MCUR1: variants seen among roughly 807,000 people sequenced by gnomAD.
The protein encoded by MCUR1 is MCU regulator 1.
MCUR1 carries 37 observed loss-of-function variants against 42.0 expected under a neutral mutation model. The observed-to-expected ratio is 0.88, with a 90% CI of 0.68 to 1.16. The LOEUF (loss-of-function observed/expected upper bound fraction) is 1.16, where lower values mean the gene tolerates loss of function less well. MCUR1 is among the 50% of genes most tolerant of loss of function. The pLI is 0.00. For synonymous variants in MCUR1, 229 were observed against 196.2 expected (o/e 1.17, Z -1.40); for missense variants, 469 against 468.4 (o/e 1.00, Z -0.01).
At position 13,801,398 on chromosome 6, in the gene MCUR1, A is replaced by G; in HGVS notation, c.640-9T>C. ...TGCTGAAAAGTGATTTCCTAGGAAA[A>G]GAAAAACAAAACACATAATCTAGTC... On this transcript the variant is annotated splice_polypyrimidine_tract_variant and intron_variant, in intron 3 of 8. Coordinates refer to ENST00000379170, the MANE Select transcript of MCUR1 (RefSeq NM_001031713.4). 1 of 1,588,294 alleles carries G rather than the reference A, an allele frequency of 6.3e-7. No homozygotes were observed. Among genetic ancestry groups the G allele is most frequent in the Non-Finnish European group, 8.6e-7 (1 of 1,161,142 alleles).
intron 2 of MCUR1, chr6:13,804,347 A>AG (rs1445278237): frequency 6.3e-5 from 10 of 158,778 alleles, no homozygotes; most frequent in Non-Finnish European, 1.1e-4. Flanking sequence ...AAAAAAAAAA[A>AG]AGAAAAAAAT....
chr6:13,794,446 C>T (rs1442682036), intron 6 of MCUR1, among the ~76,000 whole-genome samples: 1 of 152,136 alleles, frequency 6.6e-6, no homozygotes, highest in East Asian at 1.9e-4. Context: ...GGAGACTCAA[C>T]TCAATTTAGG....
Position 13,811,675 on chromosome 6 carries a change from G to A in MCUR1, c.415+2340C>T, listed in dbSNP as rs76720509. Among the ~76,000 whole-genome samples the A allele has an allele frequency of 6.6e-3, 1,010 of 152,200 alleles. 8 individuals carry two copies. Among genetic ancestry groups the A allele is most frequent in the African/African-American group, 0.022 (928 of 41,510 alleles). The stretch of plus-strand genomic sequence containing the variant: ...CTACTGGACTGCCCCATGTGTCAGG[G>A]AGCTCGAAAACACCTGAGTCTGGAA... On this transcript the variant is annotated intron_variant, in intron 1 of 8. Transcript: ENST00000379170.
intron 6 of MCUR1, among the ~76,000 whole-genome samples, chr6:13,794,878 T>C (rs1264104002): frequency 2.6e-5 from 4 of 152,068 alleles, no homozygotes; most frequent in African/African-American, 9.7e-5. Flanking sequence ...GTATCTCGCC[T>C]TTTGGCTATT....
intron 2 of MCUR1, among the ~76,000 whole-genome samples, chr6:13,803,024 G>C (rs1440558558): frequency 1.3e-5 from 2 of 151,870 alleles, no homozygotes; most frequent in African/African-American, 4.8e-5. Context: ...GTCAATAAAT[G>C]ATACTGAATT....
At position 13,790,609 on chromosome 6, in the gene MCUR1, G is replaced by A. The variant is rs1402000597; in HGVS notation, c.*200C>T. 2.9e-5 allele frequency: 10 copies of A among 342,206 alleles called. No individual in the cohort carries two copies. The East Asian group carries it at 3.8e-4, about 13-fold the overall frequency. 21.2% of individuals were successfully genotyped at this position (342,206 alleles called of 1,614,324 possible). On this transcript the variant is annotated 3_prime_UTR_variant, in exon 9 of 9. Transcript: ENST00000379170. ...TGGGACTACAGGCGCCCGCCACCAC[G>A]CCCGCCTAATGTTTTAATTTTTTAG...
rs776249405 is a variant in MCUR1, at chr6:13,786,683, C to G, written c.*4126G>C. 3.9e-5 allele frequency: 6 copies of G among 152,150 alleles called. No homozygotes were observed. The highest frequency in any genetic ancestry group is 2.1e-4 in the South Asian group (1 of 4,824). 9.4% of individuals were successfully genotyped at this position (152,150 alleles called of 1,614,324 possible). A position where few individuals can be genotyped will look rare whatever the true frequency, so the allele number is the denominator to read the frequency against. On this transcript the variant is annotated 3_prime_UTR_variant, in exon 9 of 9. Coordinates refer to ENST00000379170, the MANE Select transcript of MCUR1 (RefSeq NM_001031713.4). The stretch of plus-strand genomic sequence containing the variant: ...AACAGTTGCAATACAGTTATTCTAG[C>G]TTTTCATATTCAATTTGAATGATCA...
chr6:13,810,491 A>G (rs1760209837), intron 1 of MCUR1, among the ~76,000 whole-genome samples: 1 of 152,202 alleles, frequency 6.6e-6, no homozygotes, highest in African/African-American at 2.4e-5. Flanking sequence ...AGGAGCAAGA[A>G]GGGTCACCTG....
At chr6:13,791,543 C>A (rs1749085670) in intron 8 of MCUR1, among the ~76,000 whole-genome samples, 1 of 152,140 alleles carries the variant, frequency 6.6e-6, no homozygotes, top group Non-Finnish European at 1.5e-5. Context: ...AGAAAGATTA[C>A]AACTGAAACA....
chr6:13,793,520 C>T (rs1164100562), intron 7 of MCUR1, among the ~76,000 whole-genome samples: 3 of 152,164 alleles, frequency 2.0e-5, no homozygotes, highest in African/African-American at 7.2e-5. Context: ...CACAAAAAGA[C>T]AAATGCTATG....
In MCUR1 at chr6:13,814,304, G is replaced by T. The variant is rs777830505; in HGVS notation, c.126C>A (p.Leu42=). 2.0e-5 allele frequency: 30 copies of T among 1,504,334 alleles called. No homozygotes were observed. Among genetic ancestry groups the T allele is most frequent in the Non-Finnish European group, 2.6e-5 (29 of 1,132,784 alleles). The allele number at this position is 1,504,334 out of a possible 1,614,324, so 93.2% of individuals were successfully genotyped here. Residue 42 remains leucine (L), a synonymous_variant, in exon 1 of 9, where the codon CTC becomes CTA. Coordinates refer to ENST00000379170, the MANE Select transcript of MCUR1 (RefSeq NM_001031713.4). ...GGSETSARRC[L]SALSDGLGAL... ...CCCCCAGACCGTCGGAGAGCGCAGA[G>T]AGGCAGCGGCGTGCTGAGGTTTCGC... is the stretch of plus-strand genomic sequence containing the variant.
At chr6:13,810,316 T>G (rs1052735334) in intron 1 of MCUR1, among the ~76,000 whole-genome samples, 2 of 152,040 alleles carry the variant, frequency 1.3e-5, no homozygotes, top group Non-Finnish European at 2.9e-5. Context: ...AATATTGTAC[T>G]AAAAAAGACA....
chr6:13,794,638 G>GTTTT (rs11411080), intron 6 of MCUR1, among the ~76,000 whole-genome samples: 1 of 143,728 alleles, frequency 7.0e-6, no homozygotes, highest in Non-Finnish European at 1.5e-5. Flanking sequence ...CACATGTTGG[G>GTTTT]TTTTTTTTTT....
In MCUR1 at chr6:13,814,358, G is replaced by T; in HGVS notation, c.72C>A (p.Pro24=). 6.6e-7 allele frequency: 1 copy of T among 1,524,034 alleles called. No homozygotes were observed. 94.4% of individuals were successfully genotyped at this position (1,524,034 alleles called of 1,614,324 possible). A position where few individuals can be genotyped will look rare whatever the true frequency, so the allele number is the denominator to read the frequency against. Residue 24 remains proline (P), a synonymous_variant, in exon 1 of 9, where the codon CCC becomes CCA. Coordinates refer to ENST00000379170, the MANE Select transcript of MCUR1 (RefSeq NM_001031713.4). ...CGCCCGGTCTTCCGCTGAGGCCCAC[G>T]GGCAAGAAGAGAAGCCGCTGGCGGC... is the stretch of plus-strand genomic sequence containing the variant. The part of the protein sequence containing the change: ...LPGRQRLLFL[P]VGLSGRPGGS...
At position 13,800,394 on chromosome 6, in the gene MCUR1, TAAA is replaced by T. The variant is rs3215484; in HGVS notation, c.742-15_742-13del. On this transcript the variant is annotated splice_polypyrimidine_tract_variant and intron_variant, in intron 4 of 8. Coordinates refer to ENST00000379170, the MANE Select transcript of MCUR1 (RefSeq NM_001031713.4). ...TCGAGTTTTATTTTCTAAAAACACA[TAAA>T]AAAAAAGTCATTAGAAAGAACAACA... 5.8e-6 allele frequency: 8 copies of T among 1,375,374 alleles called. No individual in the cohort carries two copies. The highest frequency in any genetic ancestry group is 1.3e-5 in the South Asian group (1 of 78,556). 85.2% of individuals were successfully genotyped at this position (1,375,374 alleles called of 1,614,324 possible).
At chr6:13,801,870 A>C (rs1759998547) in intron 3 of MCUR1, among the ~76,000 whole-genome samples, 3 of 152,044 alleles carry the variant, frequency 2.0e-5, no homozygotes, top group South Asian at 4.1e-4. Flanking sequence ...CCCCCCCAAA[A>C]CACAAAAAAA....
chr6:13,807,966 C>T (rs1760148234), intron 1 of MCUR1, among the ~76,000 whole-genome samples: 1 of 152,078 alleles, frequency 6.6e-6, no homozygotes, highest in African/African-American at 2.4e-5. Flanking sequence ...ATGGTTTGAA[C>T]GTGTTTCCCA....
intron 4 of MCUR1, among the ~76,000 whole-genome samples, chr6:13,800,595 C>T (rs1759969548): frequency 1.3e-5 from 2 of 152,198 alleles, no homozygotes. Flanking sequence ...TTGTGTTTGG[C>T]ATACACATTT....
At chr6:13,807,293 C>T (rs1760132638) in intron 1 of MCUR1, among the ~76,000 whole-genome samples, 2 of 152,186 alleles carry the variant, frequency 1.3e-5, no homozygotes, top group South Asian at 2.1e-4. Context: ...TTAGCTGTCA[C>T]CTTCCAATTC....
Sources: gnomAD v4.1 joint callset for allele counts (sites outside exome capture counted in the v4.1 genomes callset) on GRCh38, gnomAD v4.1.1 for gene constraint, MANE v1.5 for transcripts, NCBI Gene and HGNC (gene_info 2026-07-23, HGNC 2026-07-21) for gene names.